RASGEF1A: variants seen among roughly 807,000 people sequenced by gnomAD.
The protein encoded by RASGEF1A is ras-GEF domain-containing family member 1A.
A neutral mutation model predicts 56.4 loss-of-function variants in RASGEF1A; 18 were observed. That is an observed-to-expected ratio of 0.32 (90% CI 0.22 to 0.47). The LOEUF (loss-of-function observed/expected upper bound fraction) is 0.47, where lower values mean the gene tolerates loss of function less well. Ranked by LOEUF, RASGEF1A falls within the 20% of genes least tolerant of loss-of-function variation. RASGEF1A has a pLI of 1.00. For missense variants in RASGEF1A, 422 were observed against 627.1 expected (o/e 0.67, Z 3.49); for synonymous variants, 245 against 242.6 (o/e 1.01, Z -0.09).
chr10:43,203,466 C>A, intron 2 of RASGEF1A, 46 bp from the exon 3 acceptor site: 6 of 1,472,304 alleles, frequency 4.1e-6, no homozygotes, highest in Non-Finnish European at 5.4e-6. Context: ...GTGAGGCAGG[C>A]CCCCGGGGGC....
intron 1 of RASGEF1A, among the ~76,000 whole-genome samples, chr10:43,265,084 T>C (rs1836600023): frequency 6.6e-6 from 1 of 152,114 alleles, no homozygotes; most frequent in African/African-American, 2.4e-5. Flanking sequence ...GGGGCCACTG[T>C]GTGCGTGGCT....
Position 43,198,202 on chromosome 10 carries a change from G to T in RASGEF1A, c.1033-7C>A, listed in dbSNP as rs1391270228. On this transcript the variant is annotated splice_region_variant and splice_polypyrimidine_tract_variant and intron_variant, in intron 9 of 12. Transcript: ENST00000395810. ...TGGACGGGTCCATGTGATGCTGTGG[G>T]CACAGGGAGGACCTGGTGAGCATCA... 1 of 1,603,098 alleles carries T rather than the reference G, an allele frequency of 6.2e-7. No individual in the cohort carries two copies. Among genetic ancestry groups the T allele is most frequent in the Non-Finnish European group, 8.5e-7 (1 of 1,171,916 alleles).
chr10:43,208,787 C>G, intron 1 of RASGEF1A: 1 of 985,582 alleles, frequency 1.0e-6, no homozygotes, highest in Non-Finnish European at 1.2e-6. Flanking sequence ...CCCACCCTGC[C>G]CAGCCACGGA....
intron 1 of RASGEF1A, among the ~76,000 whole-genome samples, chr10:43,212,160 ACT>A (rs1276046571): frequency 6.6e-6 from 1 of 152,138 alleles, no homozygotes; most frequent in East Asian, 1.9e-4. Flanking sequence ...CCCCAGAGGC[ACT>A]GTTTTGAGAC....
intron 1 of RASGEF1A, chr10:43,206,835 TAG>T: frequency 1.0e-6 from 1 of 985,648 alleles, no homozygotes; most frequent in Non-Finnish European, 1.2e-6. Context: ...TGGGCAGGGC[TAG>T]AGAGAGATCT....
rs35825252 is a variant in RASGEF1A at position 43,198,915 on chromosome 10, C to CA, written c.1032+17_1032+18insT. 712,139 of 1,608,374 alleles carry CA rather than the reference C, an allele frequency of 0.44. 164,347 individuals are homozygous for CA. The highest frequency in any genetic ancestry group is 0.72 in the East Asian group (32,048 of 44,810). On this transcript the variant is annotated intron_variant, in intron 9 of 12. Transcript: ENST00000395810. ...AAATGGGTGCAGCTCGCAGCTGTGA[C>CA]GGGGCTCAGGTGCCTACCTCCAAGA... is the stretch of plus-strand genomic sequence containing the variant.
intron 1 of RASGEF1A, among the ~76,000 whole-genome samples, chr10:43,212,911 A>G (rs1362106234): frequency 6.6e-6 from 1 of 152,250 alleles, no homozygotes; most frequent in Non-Finnish European, 1.5e-5. Flanking sequence ...ACAGGTGCAC[A>G]GACCCCTTCG....
chr10:43,237,844 G>C (rs74406271), intron 1 of RASGEF1A, among the ~76,000 whole-genome samples: 3,882 of 152,254 alleles, frequency 0.025, 152 homozygotes, highest in African/African-American at 0.087. Flanking sequence ...TTCTCTGCCT[G>C]AATGTCCCAG....
At chr10:43,232,856 C>T (rs983742865) in intron 1 of RASGEF1A, among the ~76,000 whole-genome samples, 3 of 152,196 alleles carry the variant, frequency 2.0e-5, no homozygotes, top group African/African-American at 7.2e-5. Flanking sequence ...AGAGTCCACC[C>T]TTGCTGTCTC....
At position 43,222,283 on chromosome 10, in the gene RASGEF1A, A is replaced by G. The variant is rs144172936; in HGVS notation, c.-6-16161T>C. Among the ~76,000 whole-genome samples the G allele has an allele frequency of 4.5e-3, 689 of 152,072 alleles. 4 individuals carry two copies. The highest frequency in any genetic ancestry group is 7.5e-3 in the Non-Finnish European group (513 of 67,988). ...TTTTTTCCCAGCACACCCTCCTAAC[A>G]CTCTCAGAATCTCCAAAGTGGTAAG... On this transcript the variant is annotated intron_variant, in intron 1 of 12. Coordinates refer to ENST00000395810, the MANE Select transcript of RASGEF1A (RefSeq NM_145313.4).
Position 43,203,315 on chromosome 10 carries a change from C to T in RASGEF1A, c.304G>A (p.Glu102Lys). 1 of 1,562,792 alleles carries T rather than the reference C, an allele frequency of 6.4e-7. No homozygotes were observed. Among genetic ancestry groups the T allele is most frequent in the East Asian group, 2.4e-5 (1 of 42,168 alleles). The change falls in exon 3 of 13, where the codon GAA (glutamate) becomes AAA (lysine). Residue 102 changes from glutamate to lysine, a missense_variant. By Grantham distance (56) the Glu-to-Lys change is moderately conservative (BLOSUM62 1). Transcript: ENST00000395810. The part of the protein sequence containing the change: ...QICVEQKQQL[E>K]AGPEKAKLKS... Reference sequence around the variant, plus strand: ...CGCCTCACCTTTTCAGGCCCGGCTTCCAGCTGCTGCTTCTGCTCCACGCAG... The same window carrying T: ...CGCCTCACCTTTTCAGGCCCGGCTTTCAGCTGCTGCTTCTGCTCCACGCAG...
intron 1 of RASGEF1A, among the ~76,000 whole-genome samples, chr10:43,230,290 A>G (rs1482943186): frequency 1.3e-5 from 2 of 151,782 alleles, no homozygotes; most frequent in African/African-American, 4.8e-5. Flanking sequence ...TTTCATTGGA[A>G]CTCGGGGGAC....
intron 1 of RASGEF1A, among the ~76,000 whole-genome samples, chr10:43,217,486 G>A (rs1418381687): frequency 1.3e-5 from 2 of 152,244 alleles, no homozygotes; most frequent in African/African-American, 4.8e-5. Context: ...AGAAGGCTGG[G>A]TGACCAGCCA....
chr10:43,210,668 T>C (rs1224143680), intron 1 of RASGEF1A, among the ~76,000 whole-genome samples: 1 of 152,232 alleles, frequency 6.6e-6, no homozygotes, highest in African/African-American at 2.4e-5. Context: ...CTGCCTCAGC[T>C]GCTCCTGGCT....
chr10:43,242,944 G>A (rs187988131), intron 1 of RASGEF1A, among the ~76,000 whole-genome samples: 15 of 152,228 alleles, frequency 9.9e-5, no homozygotes, highest in Middle Eastern at 3.4e-3. Context: ...GCCTCTGCCC[G>A]CCCGCCACCC....
chr10:43,208,963 G>A, intron 1 of RASGEF1A: 1 of 985,480 alleles, frequency 1.0e-6, no homozygotes, highest in Non-Finnish European at 1.2e-6. Context: ...GATGATGACA[G>A]CACTTCCACT....
intron 1 of RASGEF1A, among the ~76,000 whole-genome samples, chr10:43,248,806 C>T (rs984284987): frequency 3.3e-5 from 5 of 152,130 alleles, no homozygotes; most frequent in African/African-American, 1.2e-4. Context: ...GTTGCCTCGC[C>T]CTGTTCTAGG....
chr10:43,243,840 G>A (rs984808718), intron 1 of RASGEF1A, among the ~76,000 whole-genome samples: 21 of 152,144 alleles, frequency 1.4e-4, no homozygotes, highest in East Asian at 3.9e-4. Context: ...AGTGAGGAGC[G>A]CCTCTGCCAG....
intron 10 of RASGEF1A, among the ~76,000 whole-genome samples, 173 bp downstream of exon 10, chr10:43,197,831 T>C (rs1340007388): frequency 6.6e-6 from 1 of 152,010 alleles, no homozygotes; most frequent in East Asian, 1.9e-4. Flanking sequence ...ACCTCATACC[T>C]TGCAGTCAAA....
Sources: allele counts gnomAD v4.1 joint callset (sites outside exome capture counted in the v4.1 genomes callset), GRCh38; gene constraint gnomAD v4.1.1; transcripts MANE v1.5; gene names NCBI Gene and HGNC (gene_info 2026-07-23, HGNC 2026-07-21).